Variants in NELL1 observed in about 807,000 individuals in gnomAD.
The protein encoded by NELL1 is protein kinase C-binding protein NELL1.
A neutral mutation model predicts 107.4 loss-of-function variants in NELL1; 76 were observed. The ratio of observed to expected loss-of-function variants is 0.71; its 90% CI spans 0.59 to 0.86. The LOEUF (loss-of-function observed/expected upper bound fraction) is 0.86, where lower values mean the gene tolerates loss of function less well. NELL1 is among the 40% of genes least tolerant of loss of function. The pLI is 0.00. For synonymous variants in NELL1, 353 were observed against 341.2 expected, an observed-to-expected ratio of 1.03 and a Z score of -0.38; for missense variants, 1,024 against 1,005.5, an observed-to-expected ratio of 1.02 and a Z score of -0.25.
chr11:20,705,979 C>G (rs1854941134), intron 2 of NELL1, among the ~76,000 whole-genome samples: 1 of 152,160 alleles, frequency 6.6e-6, no homozygotes, highest in South Asian at 2.1e-4. Flanking sequence ...CCGTCTCACA[C>G]CAGTTAGAAT....
chr11:21,031,647 T>A (rs914141996), intron 12 of NELL1, among the ~76,000 whole-genome samples: 21 of 152,212 alleles, frequency 1.4e-4, no homozygotes, highest in Non-Finnish European at 2.2e-4. Flanking sequence ...TCTTTTAAGA[T>A]TTTTCTTAAC....
chr11:21,161,852 T>G (rs1407930425), intron 13 of NELL1, among the ~76,000 whole-genome samples: 1 of 151,902 alleles, frequency 6.6e-6, no homozygotes, highest in East Asian at 1.9e-4. Flanking sequence ...TTAACCCCAT[T>G]TCACATGACT....
intron 16 of NELL1, among the ~76,000 whole-genome samples, chr11:21,559,431 A>C (rs1391262788): frequency 6.6e-6 from 1 of 152,116 alleles, no homozygotes; most frequent in Admixed American, 6.6e-5. Context: ...GATGTTGTTA[A>C]GGTCGCTCAA....
At chr11:20,989,783 G>T (rs1851931882) in intron 12 of NELL1, among the ~76,000 whole-genome samples, 1 of 152,046 alleles carries the variant, frequency 6.6e-6, no homozygotes, top group Non-Finnish European at 1.5e-5. Flanking sequence ...ACGAGGTCAG[G>T]AGATGGAGAC....
At chr11:21,510,462 C>T (rs1320999565) in intron 15 of NELL1, among the ~76,000 whole-genome samples, 1 of 152,144 alleles carries the variant, frequency 6.6e-6, no homozygotes, top group Non-Finnish European at 1.5e-5. Context: ...TGGTATCAGT[C>T]TTTCCTCTCT....
chr11:21,271,883 T>G (rs547675941), intron 14 of NELL1, among the ~76,000 whole-genome samples: 1 of 152,144 alleles, frequency 6.6e-6, no homozygotes, highest in Admixed American at 6.5e-5. Flanking sequence ...AAAAATCACA[T>G]GATCATAACA....
chr11:21,367,333 T>C (rs1851251386), intron 14 of NELL1, among the ~76,000 whole-genome samples: 1 of 151,384 alleles, frequency 6.6e-6, no homozygotes, highest in Non-Finnish European at 1.5e-5. Context: ...AGAATCTGGG[T>C]AGCAGTTGAA....
intron 15 of NELL1, among the ~76,000 whole-genome samples, chr11:21,483,410 A>G (rs1382228438): frequency 6.6e-6 from 1 of 152,144 alleles, no homozygotes; most frequent in Non-Finnish European, 1.5e-5. Flanking sequence ...CCTGCAAAGT[A>G]CGTCTTCAAC....
At chr11:20,819,975 T>G (rs775332072) in intron 3 of NELL1, among the ~76,000 whole-genome samples, 7 of 152,168 alleles carry the variant, frequency 4.6e-5, no homozygotes, top group Non-Finnish European at 4.4e-5. Flanking sequence ...TTCAGGAGGA[T>G]CTTTAGTAAG....
At chr11:21,013,780 T>G (rs1852503864) in intron 12 of NELL1, among the ~76,000 whole-genome samples, 1 of 152,142 alleles carries the variant, frequency 6.6e-6, no homozygotes, top group African/African-American at 2.4e-5. Context: ...ATTTCCTTAG[T>G]TTTTGCCTAT....
At chr11:20,990,321 C>T (rs149270378) in intron 12 of NELL1, among the ~76,000 whole-genome samples, 57 of 152,256 alleles carry the variant, frequency 3.7e-4, no homozygotes, top group African/African-American at 1.3e-3. Context: ...GCCTCTGTAG[C>T]CTCTTACTGC....
intron 7 of NELL1, among the ~76,000 whole-genome samples, chr11:20,925,954 A>G (rs1850487209): frequency 6.6e-6 from 1 of 152,230 alleles, no homozygotes; most frequent in Non-Finnish European, 1.5e-5. Context: ...GGTGGAAGTC[A>G]TTCCCTAGGT....
At chr11:20,761,837 A>G (rs988092585) in intron 2 of NELL1, among the ~76,000 whole-genome samples, 1 of 152,240 alleles carries the variant, frequency 6.6e-6, no homozygotes, top group South Asian at 2.1e-4. Flanking sequence ...CCCTGGGGCC[A>G]TTTGATAAAT....
At chr11:21,564,231 G>T (rs1356503448) in intron 17 of NELL1, among the ~76,000 whole-genome samples, 1 of 151,928 alleles carries the variant, frequency 6.6e-6, no homozygotes, top group African/African-American at 2.4e-5. Context: ...CTGAGGTAAA[G>T]GTTCAGAGGA....
intron 14 of NELL1, among the ~76,000 whole-genome samples, chr11:21,259,711 A>G (rs942358322): frequency 3.8e-4 from 57 of 151,958 alleles, no homozygotes; most frequent in African/African-American, 1.3e-3. Context: ...GAGTTTCTCT[A>G]GACCACTATA....
chr11:21,327,079 G>C (rs1565169765), intron 14 of NELL1, among the ~76,000 whole-genome samples: 3 of 151,390 alleles, frequency 2.0e-5, no homozygotes, highest in Non-Finnish European at 4.4e-5. Flanking sequence ...TGTTGTGGGA[G>C]GGAACTGGTG....
At chr11:21,574,539 C>G (rs181164530) in intron 19 of NELL1, among the ~76,000 whole-genome samples, 1 of 151,818 alleles carries the variant, frequency 6.6e-6, no homozygotes, top group Non-Finnish European at 1.5e-5. Context: ...TTATGCAAAC[C>G]TTACTGGACC....
chr11:21,430,592 A>T (rs1200581966), intron 15 of NELL1, among the ~76,000 whole-genome samples: 2 of 152,140 alleles, frequency 1.3e-5, no homozygotes, highest in African/African-American at 4.8e-5. Flanking sequence ...CACCTCAGAT[A>T]CGCATTTAAT....
intron 12 of NELL1, among the ~76,000 whole-genome samples, chr11:21,023,353 A>G (rs1852744233): frequency 6.6e-6 from 1 of 152,074 alleles, no homozygotes; most frequent in South Asian, 2.1e-4. Context: ...AGTAATGCGA[A>G]AAGAGTACCA....
Sources: gnomAD v4.1 joint callset for allele counts (sites outside exome capture counted in the v4.1 genomes callset) on GRCh38, gnomAD v4.1.1 for gene constraint, MANE v1.5 for transcripts, NCBI Gene and HGNC (gene_info 2026-07-23, HGNC 2026-07-21) for gene names.